Variants in COL28A1 observed in about 807,000 individuals in gnomAD.
COL28A1 encodes collagen alpha-1(XXVIII) chain.
In COL28A1, 161 loss-of-function variants were observed where a neutral mutation model predicts 150.2. The observed-to-expected ratio is 1.07, with a 90% CI of 0.94 to 1.22. The LOEUF (loss-of-function observed/expected upper bound fraction) is 1.22, where lower values mean the gene tolerates loss of function less well. Ranked by LOEUF, COL28A1 falls within the 50% of genes most tolerant of loss-of-function variation. The pLI is 0.00. For synonymous variants in COL28A1, 552 were observed against 469.7 expected (o/e 1.18, Z -2.26); for missense variants, 1,617 against 1,388.3 (o/e 1.16, Z -2.62).
rs140778937 is a variant in COL28A1 at position 7,473,110 on chromosome 7, G to C, written c.1302+1491C>G. ...CATTGAAAAAACTCTTCTAGACATT[G>C]GTTTAGGCAAGGATTTCATGATGAA... On this transcript the variant is annotated intron_variant, in intron 15 of 34. Transcript: ENST00000399429. 4.7e-3 allele frequency among the ~76,000 whole-genome samples: 708 copies of C among 152,250 alleles called. 5 individuals are homozygous for C. Among genetic ancestry groups the C allele is most frequent in the East Asian group, 0.022 (114 of 5,186 alleles).
intron 11 of COL28A1, among the ~76,000 whole-genome samples, chr7:7,499,465 G>C (rs745893048): frequency 1.3e-5 from 2 of 152,156 alleles, no homozygotes; most frequent in Admixed American, 6.5e-5. Flanking sequence ...ATTCTGTTAA[G>C]AGAATTGTGA....
At chr7:7,404,649 G>A (rs1300161469) in intron 27 of COL28A1, among the ~76,000 whole-genome samples, 1 of 151,856 alleles carries the variant, frequency 6.6e-6, no homozygotes, top group Non-Finnish European at 1.5e-5. Context: ...TACTCATAAG[G>A]CCATCCACTA....
intron 23 of COL28A1, among the ~76,000 whole-genome samples, chr7:7,432,943 CA>C (rs1290391145): frequency 1.1e-5 from 1 of 90,880 alleles, no homozygotes; most frequent in Non-Finnish European, 2.1e-5. Flanking sequence ...GAATACATAG[CA>C]AAATTTTGAG....
chr7:7,436,705 C>T (rs10486163), intron 22 of COL28A1, among the ~76,000 whole-genome samples: 14,990 of 152,234 alleles, frequency 0.098, 889 homozygotes, highest in Middle Eastern at 0.21. Context: ...GCAATTCAGA[C>T]TCAAATATTT....
In COL28A1 at chr7:7,440,778, C is replaced by A. The variant is rs1301584571; in HGVS notation, c.1722+12G>T. On this transcript the variant is annotated intron_variant, in intron 21 of 34. Transcript: ENST00000399429. ...ACTCCTCAAAGCGTAAGTCAGAATA[C>A]AAGAAACATACCTTTGGTCCTTCGG... 1.6e-6 allele frequency: 2 copies of A among 1,252,958 alleles called. No homozygotes were observed. Among genetic ancestry groups the A allele is most frequent in the African/African-American group, 3.0e-5 (2 of 67,548 alleles). The allele number at this position is 1,252,958 out of a possible 1,614,324, so 77.6% of individuals were successfully genotyped here. A position where few individuals can be genotyped will look rare whatever the true frequency, so the allele number is the denominator to read the frequency against.
At chr7:7,436,128 T>A (rs567459491) in intron 23 of COL28A1, among the ~76,000 whole-genome samples, 1 of 152,362 alleles carries the variant, frequency 6.6e-6, no homozygotes, top group South Asian at 2.1e-4. Flanking sequence ...GGCCATTTAA[T>A]GCCTTGTATC....
intron 15 of COL28A1, among the ~76,000 whole-genome samples, chr7:7,459,322 C>A (rs545286751): frequency 5.9e-5 from 9 of 152,156 alleles, no homozygotes; most frequent in South Asian, 2.1e-4. Flanking sequence ...ACAGCCAGAG[C>A]TAAGAGATTG....
chr7:7,511,678 G>C (rs1171444993), intron 8 of COL28A1: 3 of 465,550 alleles, frequency 6.4e-6, no homozygotes, highest in Middle Eastern at 6.5e-4. Context: ...TGTTCACCTG[G>C]AGAACCGTGA....
At chr7:7,416,105 G>A (rs908075413) in intron 27 of COL28A1, among the ~76,000 whole-genome samples, 1 of 152,198 alleles carries the variant, frequency 6.6e-6, no homozygotes, top group Non-Finnish European at 1.5e-5. Context: ...ACCCGGCCTA[G>A]AGAAGTTTTA....
rs374577981 is a variant in COL28A1, at chr7:7,521,930, C to T, written c.734G>A (p.Gly245Glu). 4 of 1,161,762 alleles carry T rather than the reference C, an allele frequency of 3.4e-6. No homozygotes were observed. Among genetic ancestry groups the T allele is most frequent in the Non-Finnish European group, 5.2e-6 (4 of 766,330 alleles). 72.0% of individuals were successfully genotyped at this position (1,161,762 alleles called of 1,614,324 possible). Residue 245 changes from glycine to glutamate, a missense_variant, in exon 5 of 35, where the codon GGA becomes GAA. Transcript: ENST00000399429. ...AGGAGGCCCTGGATCACCTGGATCT[C>T]CCTTCTCACATTCACAAATCTTGCG... ...CERKICECEK[G>E]DPGDPGPPGT...
chr7:7,408,338 C>A (rs1037000267), intron 27 of COL28A1, among the ~76,000 whole-genome samples: 1 of 152,054 alleles, frequency 6.6e-6, no homozygotes, highest in African/African-American at 2.4e-5. Flanking sequence ...CTGTAAGTAA[C>A]CCTGAGCAGG....
At chr7:7,381,109 G>A (rs983020819) in intron 28 of COL28A1, among the ~76,000 whole-genome samples, 4 of 152,072 alleles carry the variant, frequency 2.6e-5, no homozygotes, top group African/African-American at 4.8e-5. Context: ...CCATCTAATC[G>A]GCTCACCTTT....
intron 27 of COL28A1, among the ~76,000 whole-genome samples, chr7:7,398,237 A>T (rs1782959477): frequency 6.6e-6 from 1 of 152,226 alleles, no homozygotes; most frequent in Non-Finnish European, 1.5e-5. Context: ...GAATCTAACA[A>T]ATAATAAATA....
chr7:7,523,933 G>T (rs1311586445), intron 4 of COL28A1, among the ~76,000 whole-genome samples: 1 of 152,184 alleles, frequency 6.6e-6, no homozygotes, highest in Non-Finnish European at 1.5e-5. Context: ...TACATGCTTA[G>T]AATAAAGGAA....
chr7:7,448,169 A>G (rs970196986), intron 18 of COL28A1, among the ~76,000 whole-genome samples: 5 of 152,346 alleles, frequency 3.3e-5, no homozygotes, highest in South Asian at 4.1e-4. Flanking sequence ...GATGAAAACT[A>G]TAACTCATAG....
intron 13 of COL28A1, among the ~76,000 whole-genome samples, chr7:7,483,010 T>G (rs1379382078): frequency 6.6e-6 from 1 of 152,176 alleles, no homozygotes; most frequent in Non-Finnish European, 1.5e-5. Flanking sequence ...AAGACAGAAT[T>G]ATAACTGAGA....
chr7:7,429,475 G>GT (rs1418982102), intron 25 of COL28A1, among the ~76,000 whole-genome samples: 12 of 137,718 alleles, frequency 8.7e-5, no homozygotes, highest in Non-Finnish European at 1.5e-4. Flanking sequence ...TGTGTGTGTG[G>GT]GGGGGGGGAT....
At chr7:7,505,531 T>A (rs1319004887) in intron 11 of COL28A1, among the ~76,000 whole-genome samples, 2 of 152,196 alleles carry the variant, frequency 1.3e-5, no homozygotes, top group African/African-American at 4.8e-5. Context: ...GCTGGTTATC[T>A]GTGGACTGAT....
intron 13 of COL28A1, among the ~76,000 whole-genome samples, chr7:7,484,100 G>GAA (rs1157822321): frequency 3.3e-5 from 5 of 152,114 alleles, no homozygotes; most frequent in Admixed American, 3.3e-4. Context: ...TCAGATTCAT[G>GAA]AAACGGTAAA....
Sources: gnomAD v4.1 joint callset for allele counts (sites outside exome capture counted in the v4.1 genomes callset) on GRCh38, gnomAD v4.1.1 for gene constraint, MANE v1.5 for transcripts, NCBI Gene and HGNC (gene_info 2026-07-23, HGNC 2026-07-21) for gene names.